GRIP1: variants seen among roughly 807,000 people sequenced by gnomAD.
GRIP1 encodes glutamate receptor-interacting protein 1.
In GRIP1, 45 loss-of-function variants were observed where a neutral mutation model predicts 129.9. The observed-to-expected ratio is 0.35, with a 90% confidence interval of 0.27 to 0.44. The LOEUF (loss-of-function observed/expected upper bound fraction) is 0.44. Among genes scored for constraint, GRIP1 ranks in the 20% least tolerant of loss-of-function variants. GRIP1 has a pLI of 1.00. For synonymous variants in GRIP1, 530 were observed against 520.8 expected (o/e 1.02, Z -0.24); for missense variants, 1,196 against 1,396.8 (o/e 0.86, Z 2.29).
chr12:66,820,435 A>G (rs1485621567), intron 1 of GRIP1, among the ~76,000 whole-genome samples: 1 of 152,214 alleles, frequency 6.6e-6, no homozygotes, highest in African/African-American at 2.4e-5. Flanking sequence ...ACTTGGGAAG[A>G]CAATTTGGCA....
At chr12:66,542,096 A>C in intron 2 of GRIP1, 146 bp from the exon 3 acceptor site, 1 of 789,802 alleles carries the variant, frequency 1.3e-6, no homozygotes, top group Admixed American at 1.9e-5. Flanking sequence ...AATATTTCAT[A>C]AAGATGTGCA....
intron 1 of GRIP1, among the ~76,000 whole-genome samples, chr12:66,873,843 G>A (rs1224042447): frequency 6.6e-6 from 1 of 152,080 alleles, no homozygotes. Context: ...GAAAGATGGT[G>A]TTGATAATGG....
intron 1 of GRIP1, among the ~76,000 whole-genome samples, chr12:66,796,837 ATAT>A (rs1566027097): frequency 6.6e-6 from 1 of 152,128 alleles, no homozygotes; most frequent in Admixed American, 6.5e-5. Context: ...ATTATTTACA[ATAT>A]TATTAATTAT....
At chr12:66,954,394 T>C (rs1296590921) in intron 1 of GRIP1, among the ~76,000 whole-genome samples, 2 of 152,200 alleles carry the variant, frequency 1.3e-5, no homozygotes, top group African/African-American at 4.8e-5. Flanking sequence ...GTGTGCAATT[T>C]CTCCTAGAAT....
At chr12:66,447,022 A>C (rs528324737) in intron 11 of GRIP1, among the ~76,000 whole-genome samples, 31 of 152,262 alleles carry the variant, frequency 2.0e-4, no homozygotes, top group African/African-American at 7.0e-4. Context: ...TCCCCCTTAA[A>C]ATGAAAACAT....
rs868217069 is a variant in GRIP1 at position 66,786,808 on chromosome 12, G to A, written c.-420+17245C>T. 9.2e-5 allele frequency among the ~76,000 whole-genome samples: 14 copies of A among 152,234 alleles called. No individual in the cohort carries two copies. The South Asian group carries it at 1.0e-3, about 11-fold the overall frequency. On this transcript the variant is annotated intron_variant, in intron 1 of 4. Transcript: ENST00000538373. Reference sequence around the variant, plus strand: ...CCCAGTTTATATGGGACTGCAGGGTGGAAAACAGCACTAAGGCTTAACAAA... The same window carrying A: ...CCCAGTTTATATGGGACTGCAGGGTAGAAAACAGCACTAAGGCTTAACAAA...
chr12:66,874,971 C>T (rs940508310), intron 1 of GRIP1, among the ~76,000 whole-genome samples: 1 of 151,902 alleles, frequency 6.6e-6, no homozygotes, highest in African/African-American at 2.4e-5. Flanking sequence ...GTATACATAC[C>T]CTGTATGTAT....
At chr12:66,769,950 T>C (rs2037765576) in intron 1 of GRIP1, among the ~76,000 whole-genome samples, 1 of 152,192 alleles carries the variant, frequency 6.6e-6, no homozygotes, top group Admixed American at 6.5e-5. Flanking sequence ...TAGTAACTTG[T>C]TTGAAGGACA....
intron 1 of GRIP1, among the ~76,000 whole-genome samples, chr12:66,840,128 G>A (rs1246724853): frequency 6.6e-6 from 1 of 152,014 alleles, no homozygotes; most frequent in African/African-American, 2.4e-5. Flanking sequence ...TGCAGCTACA[G>A]CTACCTCAAG....
intron 2 of GRIP1, among the ~76,000 whole-genome samples, chr12:66,592,767 G>A (rs2063894697): frequency 6.6e-6 from 1 of 152,152 alleles, no homozygotes; most frequent in African/African-American, 2.4e-5. Flanking sequence ...TGCAAAATAT[G>A]CCAAACTCAA....
chr12:66,736,063 A>C (rs964248525), intron 1 of GRIP1, among the ~76,000 whole-genome samples: 1 of 151,952 alleles, frequency 6.6e-6, no homozygotes, highest in Non-Finnish European at 1.5e-5. Context: ...GGGAGGGCTG[A>C]CCCCTGCACA....
intron 1 of GRIP1, among the ~76,000 whole-genome samples, chr12:67,031,820 T>C (rs2043027105): frequency 6.6e-6 from 1 of 152,204 alleles, no homozygotes; most frequent in African/African-American, 2.4e-5. Flanking sequence ...CTTAATCTTA[T>C]TTGTTTTTGT....
At chr12:66,458,274 C>A (rs2059026686) in intron 9 of GRIP1, among the ~76,000 whole-genome samples, 1 of 152,210 alleles carries the variant, frequency 6.6e-6, no homozygotes, top group Non-Finnish European at 1.5e-5. Flanking sequence ...CACTGTAACA[C>A]CTTCAGACAT....
At chr12:66,840,498 A>G (rs2039695865) in intron 1 of GRIP1, among the ~76,000 whole-genome samples, 1 of 152,210 alleles carries the variant, frequency 6.6e-6, no homozygotes, top group South Asian at 2.1e-4. Flanking sequence ...ATCATTAGAC[A>G]ACGACAGTAA....
chr12:66,726,617 G>C (rs1245354290), intron 1 of GRIP1, among the ~76,000 whole-genome samples: 1 of 152,146 alleles, frequency 6.6e-6, no homozygotes, highest in East Asian at 1.9e-4. Flanking sequence ...ATTTATAATT[G>C]ATCTGACCTC....
intron 1 of GRIP1, among the ~76,000 whole-genome samples, chr12:67,036,995 C>T (rs2043105292): frequency 6.6e-6 from 1 of 151,992 alleles, no homozygotes; most frequent in Non-Finnish European, 1.5e-5. Flanking sequence ...TTGGGGAATA[C>T]ACATGCATAC....
intron 1 of GRIP1, among the ~76,000 whole-genome samples, chr12:66,801,540 G>A (rs957861336): frequency 3.9e-5 from 6 of 152,058 alleles, no homozygotes; most frequent in African/African-American, 1.4e-4. Context: ...TTAAGATGAA[G>A]GAATGGGTGG....
intron 1 of GRIP1, among the ~76,000 whole-genome samples, chr12:66,771,136 A>G (rs1048079666): frequency 6.6e-6 from 1 of 152,108 alleles, no homozygotes; most frequent in African/African-American, 2.4e-5. Flanking sequence ...CAGTTGGCCT[A>G]TATGTTGTAG....
chr12:66,372,785 AT>A (rs1839804164), intron 22 of GRIP1, among the ~76,000 whole-genome samples: 1 of 152,042 alleles, frequency 6.6e-6, no homozygotes, highest in African/African-American at 2.4e-5. Flanking sequence ...TGAAACCAAT[AT>A]CAAGTAGTGG....
Sources: gnomAD v4.1 joint callset for allele counts (sites outside exome capture counted in the v4.1 genomes callset) on GRCh38, gnomAD v4.1.1 for gene constraint, MANE v1.5 for transcripts, NCBI Gene and HGNC (gene_info 2026-07-23, HGNC 2026-07-21) for gene names.